Variants in GADL1 observed in about 807,000 individuals in gnomAD.
GADL1 encodes the protein acidic amino acid decarboxylase GADL1.
In GADL1, 71 loss-of-function variants were observed where a neutral mutation model predicts 69.5. That is an observed-to-expected ratio of 1.02 (90% CI 0.84 to 1.25). The LOEUF (loss-of-function observed/expected upper bound fraction) is 1.25, where lower values mean the gene tolerates loss of function less well. Ranked by LOEUF, GADL1 falls within the 50% of genes most tolerant of loss-of-function variation. The pLI, the probability that GADL1 is intolerant of heterozygous loss-of-function variation, is 0.00. For synonymous variants in GADL1, 254 were observed against 214.4 expected (o/e 1.18, Z -1.62); for missense variants, 737 against 631.8 (o/e 1.17, Z -1.79).
intron 1 of GADL1, among the ~76,000 whole-genome samples, chr3:30,873,760 C>A (rs1698528418): frequency 6.6e-6 from 1 of 151,862 alleles, no homozygotes; most frequent in African/African-American, 2.4e-5. Flanking sequence ...TGTTGATTTA[C>A]TCTGATATGG....
chr3:30,728,180 G>T lies in GADL1; in HGVS notation c.*62C>A. ...GCTGCAATCTACTGTGTATCTCCAA[G>T]ATGTTCTGGATCTAAACTCTCCCAG... On this transcript the variant is annotated 3_prime_UTR_variant, in exon 15 of 15. Coordinates refer to ENST00000282538, the MANE Select transcript of GADL1 (RefSeq NM_207359.3). 7.0e-7 allele frequency: 1 copy of T among 1,422,910 alleles called. No homozygotes were observed. Among genetic ancestry groups the T allele is most frequent in the Non-Finnish European group, 9.9e-7 (1 of 1,012,642 alleles). The allele number at this position is 1,422,910 out of a possible 1,614,324, so 88.1% of individuals were successfully genotyped here. A position where few individuals can be genotyped will look rare whatever the true frequency, so the allele number is the denominator to read the frequency against.
At chr3:30,751,028 C>A (rs995064644) in intron 14 of GADL1, among the ~76,000 whole-genome samples, 3 of 151,922 alleles carry the variant, frequency 2.0e-5, no homozygotes, top group Admixed American at 6.6e-5. Flanking sequence ...TTAGGGTAAC[C>A]GGGGTTAAGG....
At chr3:30,893,373 G>A (rs1234013427) in intron 1 of GADL1, among the ~76,000 whole-genome samples, 1 of 151,764 alleles carries the variant, frequency 6.6e-6, no homozygotes, top group Non-Finnish European at 1.5e-5. Flanking sequence ...CCATACACCT[G>A]TCATTTCTTG....
intron 1 of GADL1, among the ~76,000 whole-genome samples, chr3:30,872,357 C>T (rs1390974946): frequency 1.3e-5 from 2 of 151,880 alleles, no homozygotes; most frequent in African/African-American, 4.8e-5. Flanking sequence ...CTGTCACCCC[C>T]CATAGTCATA....
At position 30,829,084 on chromosome 3, in the gene GADL1, A is replaced by G. The variant is rs1043185202; in HGVS notation, c.1050+4769T>C. 1.3e-5 allele frequency among the ~76,000 whole-genome samples: 2 copies of G among 152,038 alleles called. 1 individual carries two copies. ...TCTATGCAACTGATTCTTAGAATAT[A>G]TTGCCTTTTATTTTAGATCAAAGCA... is the stretch of plus-strand genomic sequence containing the variant. On this transcript the variant is annotated intron_variant, in intron 11 of 14. Coordinates refer to ENST00000282538, the MANE Select transcript of GADL1 (RefSeq NM_207359.3).
intron 11 of GADL1, among the ~76,000 whole-genome samples, chr3:30,804,055 G>C (rs908262773): frequency 6.6e-6 from 1 of 152,172 alleles, no homozygotes; most frequent in African/African-American, 2.4e-5. Flanking sequence ...CTCCTCAGCG[G>C]ATTAGTAGAC....
intron 1 of GADL1, among the ~76,000 whole-genome samples, chr3:30,865,907 T>C (rs1257949744): frequency 6.6e-6 from 1 of 152,052 alleles, no homozygotes; most frequent in Non-Finnish European, 1.5e-5. Context: ...TCTGCATTTT[T>C]TACCAATTCC....
intron 14 of GADL1, among the ~76,000 whole-genome samples, chr3:30,748,246 T>C (rs1394481119): frequency 6.6e-6 from 1 of 152,180 alleles, no homozygotes; most frequent in East Asian, 1.9e-4. Flanking sequence ...CCACATCAAC[T>C]CCTGGTTCGA....
At chr3:30,785,231 T>C (rs1366678197) in intron 13 of GADL1, among the ~76,000 whole-genome samples, 8 of 152,162 alleles carry the variant, frequency 5.3e-5, no homozygotes, top group African/African-American at 1.9e-4. Context: ...TTAATTTGCT[T>C]AATTAGTGCC....
intron 14 of GADL1, among the ~76,000 whole-genome samples, chr3:30,772,119 G>C (rs918351950): frequency 6.6e-6 from 1 of 152,062 alleles, no homozygotes; most frequent in African/African-American, 2.4e-5. Context: ...TCTTTCTAAA[G>C]ATATCTGGAA....
At chr3:30,827,873 C>G (rs1344795545) in intron 11 of GADL1, among the ~76,000 whole-genome samples, 3 of 151,860 alleles carry the variant, frequency 2.0e-5, no homozygotes, top group Non-Finnish European at 4.4e-5. Context: ...GCACGAAGCA[C>G]AAGAGATTGA....
At chr3:30,797,997 A>C (rs1697080161) in intron 12 of GADL1, 1 of 152,072 alleles carries the variant, frequency 6.6e-6, no homozygotes, top group Admixed American at 6.6e-5. Context: ...TCTGGCACCT[A>C]TATCTTGAGC....
chr3:30,732,845 G>C (rs1235440512), intron 14 of GADL1, among the ~76,000 whole-genome samples: 2 of 152,174 alleles, frequency 1.3e-5, no homozygotes, highest in African/African-American at 4.8e-5. Flanking sequence ...ATCACTTGAG[G>C]CCAGGAGTTT....
intron 14 of GADL1, among the ~76,000 whole-genome samples, chr3:30,751,688 A>T (rs887944626): frequency 6.6e-6 from 1 of 152,162 alleles, no homozygotes; most frequent in Non-Finnish European, 1.5e-5. Flanking sequence ...TCTAGTCTTA[A>T]CTACAATCGT....
intron 1 of GADL1, among the ~76,000 whole-genome samples, chr3:30,868,793 T>G (rs1210586377): frequency 6.6e-6 from 1 of 151,842 alleles, no homozygotes; most frequent in Non-Finnish European, 1.5e-5. Flanking sequence ...CTTTAATTGT[T>G]CAGAGCAAGT....
At chr3:30,834,341 G>T (rs1697839412) in intron 9 of GADL1, 60 bp from the exon 10 acceptor site, 2 of 1,419,368 alleles carry the variant, frequency 1.4e-6, no homozygotes, top group South Asian at 2.3e-5. Flanking sequence ...TTTACCAGTG[G>T]GTTGTCATAG....
intron 11 of GADL1, among the ~76,000 whole-genome samples, chr3:30,827,740 GTATT>G (rs1267430844): frequency 4.0e-5 from 6 of 151,868 alleles, no homozygotes; most frequent in South Asian, 2.1e-4. Context: ...AGAATTAAGA[GTATT>G]TATCAATCAG....
At chr3:30,767,423 G>A (rs561387161) in intron 14 of GADL1, among the ~76,000 whole-genome samples, 14 of 151,172 alleles carry the variant, frequency 9.3e-5, no homozygotes, top group Admixed American at 4.6e-4. Context: ...AAACAGAAAC[G>A]CAGATCAATA....
At chr3:30,757,208 C>A (rs2125482501) in intron 14 of GADL1, among the ~76,000 whole-genome samples, 1 of 152,218 alleles carries the variant, frequency 6.6e-6, no homozygotes, top group African/African-American at 2.4e-5. Flanking sequence ...GCCTCCTGGA[C>A]CTTCATCAAA....
Sources: gnomAD v4.1 joint callset for allele counts (sites outside exome capture counted in the v4.1 genomes callset) on GRCh38, gnomAD v4.1.1 for gene constraint, MANE v1.5 for transcripts, NCBI Gene and HGNC (gene_info 2026-07-23, HGNC 2026-07-21) for gene names.